Variants in MICU2 observed in about 807,000 individuals in gnomAD.
MICU2 encodes mitochondrial calcium uptake 2.
In MICU2, 64 loss-of-function variants were observed where a neutral mutation model predicts 60.4. That is an observed-to-expected ratio of 1.06 (90% CI 0.87 to 1.31). The LOEUF is 1.31. Ranked by LOEUF, MICU2 falls within the 50% of genes most tolerant of loss-of-function variation. MICU2 has a pLI of 0.00. For missense variants in MICU2, 569 were observed against 531.0 expected, an observed-to-expected ratio of 1.07 and a Z score of -0.70; for synonymous variants, 201 against 175.0, an observed-to-expected ratio of 1.15 and a Z score of -1.17.
intron 2 of MICU2, among the ~76,000 whole-genome samples, chr13:21,557,457 C>A (rs1329286097): frequency 6.6e-6 from 1 of 152,098 alleles, no homozygotes; most frequent in African/African-American, 2.4e-5. Context: ...ACCAAGGAAA[C>A]AGGAAGAATG....
At chr13:21,501,809 G>C (rs1886175572) in intron 9 of MICU2, among the ~76,000 whole-genome samples, 1 of 152,136 alleles carries the variant, frequency 6.6e-6, no homozygotes, top group Non-Finnish European at 1.5e-5. Context: ...GCCTCTGAGC[G>C]TGGTACTTCT....
At chr13:21,532,656 G>C (rs1887029711) in intron 4 of MICU2, among the ~76,000 whole-genome samples, 2 of 152,162 alleles carry the variant, frequency 1.3e-5, no homozygotes, top group Admixed American at 1.3e-4. Context: ...AACAAAGTAT[G>C]GGGTCATAGA....
chr13:21,495,550 A>G (rs566494030), intron 10 of MICU2: 4 of 411,060 alleles, frequency 9.7e-6, no homozygotes, highest in South Asian at 5.4e-5. Flanking sequence ...CTCTAAACAT[A>G]TATTTGAGAT....
intron 2 of MICU2, among the ~76,000 whole-genome samples, chr13:21,560,111 T>C (rs999763193): frequency 3.3e-5 from 5 of 152,354 alleles, no homozygotes; most frequent in Non-Finnish European, 7.3e-5. Context: ...GTCTTAAATT[T>C]TGGAAGTCTT....
intron 4 of MICU2, among the ~76,000 whole-genome samples, chr13:21,538,575 A>AAC (rs1192122587): frequency 6.6e-6 from 1 of 151,146 alleles, no homozygotes; most frequent in East Asian, 1.9e-4. Flanking sequence ...AAAAAAAAAA[A>AAC]AAAAACCCCA....
At chr13:21,574,239 T>C (rs1023037771) in intron 1 of MICU2, among the ~76,000 whole-genome samples, 1 of 152,176 alleles carries the variant, frequency 6.6e-6, no homozygotes, top group South Asian at 2.1e-4. Flanking sequence ...GGATTCCTTC[T>C]ATTGCCATGA....
At chr13:21,603,505 A>G (rs1232812085) in intron 1 of MICU2, 1 of 179,482 alleles carries the variant, frequency 5.6e-6, no homozygotes, top group Non-Finnish European at 1.2e-5. Context: ...TGCAAAGCTT[A>G]ACAAAGGTAT....
chr13:21,505,583 TA>T (rs929137406), intron 8 of MICU2, among the ~76,000 whole-genome samples: 8 of 149,744 alleles, frequency 5.3e-5, no homozygotes, highest in South Asian at 2.1e-4. Flanking sequence ...GTTGTATAAG[TA>T]AAAAAAAAAT....
At chr13:21,588,973 T>C (rs1888515286) in intron 1 of MICU2, among the ~76,000 whole-genome samples, 1 of 152,210 alleles carries the variant, frequency 6.6e-6, no homozygotes, top group Non-Finnish European at 1.5e-5. Context: ...ATTTATTAAC[T>C]ACACTAAAAA....
chr13:21,537,422 T>TAG (rs749706014), intron 4 of MICU2, among the ~76,000 whole-genome samples: 1 of 152,168 alleles, frequency 6.6e-6, no homozygotes, highest in Non-Finnish European at 1.5e-5. Flanking sequence ...TCAAACCTTC[T>TAG]TTCTCCATAA....
chr13:21,517,814 C>CGT, intron 6 of MICU2, among the ~76,000 whole-genome samples: 1 of 150,104 alleles, frequency 6.7e-6, no homozygotes, highest in African/African-American at 2.5e-5. Context: ...CGCGCGCGCG[C>CGT]ACACGCGCTA....
intron 2 of MICU2, chr13:21,551,236 T>G (rs1374935231): frequency 6.6e-6 from 1 of 152,512 alleles, no homozygotes; most frequent in Non-Finnish European, 1.5e-5. Flanking sequence ...CTTTTGCAGC[T>G]GAACACAGTG....
chr13:21,493,330 T>C lies in MICU2; in HGVS notation c.1224A>G (p.Gln408=), dbSNP rs1885908143. The stretch of plus-strand genomic sequence containing the variant: ...CTTTCTTCACACACTTCCAGTATTC[T>C]TGTATACTCTGATGTTGTGGTACCT... ...GLWVPQHQSI[Q]EYWKCVKKES... Residue 408 remains glutamine, a synonymous_variant, in exon 12 of 12, where the codon CAA becomes CAG. Transcript: ENST00000382374. 1 of 1,608,970 alleles carries C rather than the reference T, an allele frequency of 6.2e-7. No individual in the cohort carries two copies.
chr13:21,526,074 A>AC (rs1886848525), intron 4 of MICU2, among the ~76,000 whole-genome samples: 1 of 150,214 alleles, frequency 6.7e-6, no homozygotes. Context: ...AGTAGCTGGG[A>AC]CCACAGGCAT....
chr13:21,578,827 C>G (rs1257438547), intron 1 of MICU2, among the ~76,000 whole-genome samples: 1 of 152,078 alleles, frequency 6.6e-6, no homozygotes, highest in East Asian at 1.9e-4. Flanking sequence ...GCCTTTGTAA[C>G]AAGAGGAAAG....
chr13:21,589,865 A>T (rs1484539943), intron 1 of MICU2, among the ~76,000 whole-genome samples: 1 of 147,380 alleles, frequency 6.8e-6, no homozygotes, highest in Non-Finnish European at 1.5e-5. Context: ...AAAATACAGC[A>T]GCAAGGGTCA....
intron 1 of MICU2, among the ~76,000 whole-genome samples, chr13:21,603,302 G>T (rs1888869480): frequency 6.6e-6 from 1 of 152,122 alleles, no homozygotes. Context: ...GGAGGTTTTA[G>T]GAGCAATTTT....
intron 7 of MICU2, among the ~76,000 whole-genome samples, chr13:21,511,557 T>C (rs1331682751): frequency 6.6e-6 from 1 of 152,208 alleles, no homozygotes; most frequent in Non-Finnish European, 1.5e-5. Context: ...TCTCTGCCCT[T>C]TACTCAGTAT....
At chr13:21,578,561 G>C (rs1888277756) in intron 1 of MICU2, among the ~76,000 whole-genome samples, 1 of 151,694 alleles carries the variant, frequency 6.6e-6, no homozygotes, top group Non-Finnish European at 1.5e-5. Flanking sequence ...TGCGCCACTG[G>C]ACTCCAGTCT....
Sources: allele counts gnomAD v4.1 joint callset (sites outside exome capture counted in the v4.1 genomes callset), GRCh38; gene constraint gnomAD v4.1.1; transcripts MANE v1.5; gene names NCBI Gene and HGNC (gene_info 2026-07-23, HGNC 2026-07-21).